SOCS7: variants seen among roughly 807,000 people sequenced by gnomAD.
The protein encoded by SOCS7 is suppressor of cytokine signaling 7.
A neutral mutation model predicts 58.9 loss-of-function variants in SOCS7; 18 were observed. That is an observed-to-expected ratio of 0.31 (90% CI 0.21 to 0.45). The LOEUF is 0.45. Ranked by LOEUF, SOCS7 falls within the 20% of genes least tolerant of loss-of-function variation. The probability of loss-of-function intolerance (pLI) is 1.00; values close to 1 mark genes in which losing one functional copy is unlikely to be tolerated. For missense variants in SOCS7, 667 were observed against 837.3 expected, an observed-to-expected ratio of 0.80 and a Z score of 2.51; for synonymous variants, 388 against 364.3, an observed-to-expected ratio of 1.06 and a Z score of -0.74.
Position 38,399,572 on chromosome 17 carries a change from G to A in SOCS7, c.*90G>A, listed in dbSNP as rs2038292099. On this transcript the variant is annotated 3_prime_UTR_variant, in exon 10 of 10. Coordinates refer to ENST00000612932, the MANE Select transcript of SOCS7 (RefSeq NM_014598.4). ...AAATTAAGCTACCATGAAAAGAAGA[G>A]GAAAAGTGAGGGAACAGGAAGGTTG... The A allele has an allele frequency of 6.6e-6, 1 of 152,634 alleles. No homozygotes were observed. The highest frequency in any genetic ancestry group is 2.4e-5 in the African/African-American group (1 of 41,460). The allele number at this position is 152,634 out of a possible 1,614,324, so 9.5% of individuals were successfully genotyped here. A position where few individuals can be genotyped will look rare whatever the true frequency, so the allele number is the denominator to read the frequency against.
At chr17:38,375,359 T>C (rs182743159) in intron 6 of SOCS7, among the ~76,000 whole-genome samples, 2 of 152,230 alleles carry the variant, frequency 1.3e-5, no homozygotes, top group Non-Finnish European at 2.9e-5. Flanking sequence ...CCTCAGTCTA[T>C]TTGGTTTGAA....
intron 2 of SOCS7, 88 bp downstream of exon 2, chr17:38,361,863 G>GA (rs1482029750): frequency 1.1e-6 from 1 of 909,344 alleles, no homozygotes; most frequent in Non-Finnish European, 1.7e-6. Flanking sequence ...GCATCACAGG[G>GA]AGCTGTAGGC....
At chr17:38,387,656 T>A (rs1253646103) in intron 7 of SOCS7, among the ~76,000 whole-genome samples, 8 of 141,394 alleles carry the variant, frequency 5.7e-5, no homozygotes, top group Non-Finnish European at 1.2e-4. Flanking sequence ...CACTATATAT[T>A]GTATATATTA....
intron 9 of SOCS7, among the ~76,000 whole-genome samples, chr17:38,398,972 C>T (rs867245308): frequency 4.6e-5 from 7 of 151,962 alleles, no homozygotes; most frequent in Admixed American, 1.3e-4. Context: ...TGCCTGTAAT[C>T]CCAGCTACTT....
intron 3 of SOCS7, 62 bp from the exon 4 acceptor site, chr17:38,365,246 C>T: frequency 7.8e-7 from 1 of 1,279,608 alleles, no homozygotes; most frequent in African/African-American, 1.5e-5. Context: ...CTCTCCTCTG[C>T]CTTCAGCGTG....
intron 1 of SOCS7, among the ~76,000 whole-genome samples, chr17:38,360,890 G>A (rs1487714019): frequency 6.6e-6 from 1 of 152,208 alleles, no homozygotes; most frequent in Non-Finnish European, 1.5e-5. Context: ...TCTGAGGTGA[G>A]TTTTTTTGGT....
intron 7 of SOCS7, among the ~76,000 whole-genome samples, chr17:38,379,179 A>G (rs938058416): frequency 6.7e-6 from 1 of 148,202 alleles, no homozygotes; most frequent in Non-Finnish European, 1.5e-5. Context: ...ACAAAAAAAA[A>G]CAAAAAAAAA....
intron 6 of SOCS7, among the ~76,000 whole-genome samples, chr17:38,376,168 A>G (rs999168257): frequency 4.6e-5 from 7 of 152,232 alleles, no homozygotes; most frequent in African/African-American, 1.7e-4. Flanking sequence ...CATTTACCCA[A>G]GTATTCCAGC....
intron 9 of SOCS7, among the ~76,000 whole-genome samples, chr17:38,398,164 G>C (rs557527101): frequency 7.9e-5 from 12 of 152,016 alleles, no homozygotes; most frequent in Admixed American, 3.3e-4. Context: ...AAGAGTAAGC[G>C]TAATGCTGAA....
chr17:38,360,800 A>G (rs913798212), intron 1 of SOCS7, among the ~76,000 whole-genome samples: 7 of 152,218 alleles, frequency 4.6e-5, no homozygotes, highest in Admixed American at 4.6e-4. Flanking sequence ...TGGCCTCCCA[A>G]AGTGCTGGGA....
Position 38,377,788 on chromosome 17 carries a change from A to AT in SOCS7, c.1629dup (p.Met544TyrfsTer63). ...TGTTGTAGAGTTTATTAAGAGAGCC[A>AT]TTATGCACTCCAAGAATGGAAAGTT... On this transcript the variant is annotated frameshift_variant, in exon 7 of 10. Coordinates refer to ENST00000612932, the MANE Select transcript of SOCS7 (RefSeq NM_014598.4). LOFTEE classifies it high-confidence loss of function. 1 of 1,613,812 alleles carries AT rather than the reference A, an allele frequency of 6.2e-7. No homozygotes were observed. Among genetic ancestry groups the AT allele is most frequent in the Non-Finnish European group, 8.5e-7 (1 of 1,179,732 alleles).
rs1278024588 is a variant in SOCS7, at chr17:38,352,584, C to T, written c.532C>T (p.Leu178=). The T allele has an allele frequency of 6.5e-7, 1 of 1,549,978 alleles. No homozygotes were observed. The highest frequency in any genetic ancestry group is 8.7e-7 in the Non-Finnish European group (1 of 1,146,794). ...GEDPTETSDA[L]LVLEGLESEA... ...GGACCCCACGGAAACGAGCGACGCG[C>T]TGCTGGTCCTGGAGGGCTTGGAATC... The change falls in exon 1 of 10, where the codon CTG becomes TTG. Residue 178 remains leucine (L), a synonymous_variant. Transcript: ENST00000612932. The surrounding 1 kb of genome is among the most constrained non-coding windows in gnomAD (Gnocchi z 5.5).
chr17:38,366,202 A>G (rs988451605), intron 4 of SOCS7, 85 bp from the exon 5 acceptor site: 2 of 1,548,818 alleles, frequency 1.3e-6, no homozygotes, highest in South Asian at 2.4e-5. Context: ...CTCTTCAGTT[A>G]GCATCCTCTG....
At chr17:38,386,913 G>A (rs1466336837) in intron 7 of SOCS7, among the ~76,000 whole-genome samples, 2 of 149,518 alleles carry the variant, frequency 1.3e-5, no homozygotes, top group African/African-American at 2.5e-5. Context: ...GTGAAACCCC[G>A]TCTCTACTAA....
At chr17:38,388,375 T>C (rs1032152148) in intron 7 of SOCS7, among the ~76,000 whole-genome samples, 2 of 151,326 alleles carry the variant, frequency 1.3e-5, no homozygotes, top group Admixed American at 6.6e-5. Context: ...AAAAATTAGC[T>C]AGGAGCGGTG....
intron 9 of SOCS7, among the ~76,000 whole-genome samples, chr17:38,397,216 T>C (rs1339053503): frequency 6.6e-6 from 1 of 152,096 alleles, no homozygotes; most frequent in East Asian, 1.9e-4. Context: ...AAAGATGCAT[T>C]TGATGGGTTT....
At chr17:38,375,788 C>T (rs192615656) in intron 6 of SOCS7, 1 of 152,042 alleles carries the variant, frequency 6.6e-6, no homozygotes. Context: ...TTCTTGGAAA[C>T]TGACTTTAAG....
At chr17:38,395,267 A>G (rs1240236511) in intron 7 of SOCS7, 42 bp from the exon 8 acceptor site, 2 of 1,606,274 alleles carry the variant, frequency 1.2e-6, no homozygotes, top group Admixed American at 1.7e-5. Context: ...AGTTAGCTCC[A>G]TTGTTTCCTC....
Position 38,367,887 on chromosome 17 carries a change from T to G in SOCS7, c.1389T>G (p.Gly463=), listed in dbSNP as rs1567739856. The part of the protein sequence containing the change: ...AASLRELEKC[G]WYWGPMNWED... ...CTGCTTCTTGTCTTTGATAGTGTGG[T>G]TGGTATTGGGGGCCAATGAATTGGG... The change falls in exon 6 of 10, where the codon GGT becomes GGG. Residue 463 remains glycine (G), a synonymous_variant. Transcript: ENST00000612932. 6.2e-7 allele frequency: 1 copy of G among 1,613,820 alleles called. No individual in the cohort carries two copies. Among genetic ancestry groups the G allele is most frequent in the Non-Finnish European group, 8.5e-7 (1 of 1,179,800 alleles).
Sources: allele counts gnomAD v4.1 joint callset (sites outside exome capture counted in the v4.1 genomes callset), GRCh38; gene constraint gnomAD v4.1.1; non-coding constraint Gnocchi (gnomAD v3.1); transcripts MANE v1.5; gene names NCBI Gene and HGNC (gene_info 2026-07-23, HGNC 2026-07-21).